The following RALA variants were observed in gnomAD, a reference collection of about 807,000 sequenced individuals.
The protein encoded by RALA is RAS like proto-oncogene A.
Under a neutral mutation model 24.0 loss-of-function variants are expected in RALA, and 5 were observed. The observed-to-expected ratio is 0.21, with a 90% CI of 0.11 to 0.44. The LOEUF (loss-of-function observed/expected upper bound fraction) is 0.44. Ranked by LOEUF, RALA falls within the 20% of genes least tolerant of loss-of-function variation. The pLI is 0.99. For synonymous variants in RALA, 77 were observed against 83.8 expected (o/e 0.92, Z 0.44); for missense variants, 95 against 241.2 (o/e 0.39, Z 4.01).
intron 3 of RALA, among the ~76,000 whole-genome samples, chr7:39,694,394 G>A (rs544970094): frequency 1.3e-5 from 2 of 152,292 alleles, no homozygotes; most frequent in South Asian, 4.1e-4. Flanking sequence ...GTCTGCCTTT[G>A]TATTCTCTTG....
Position 39,672,544 on chromosome 7 carries a change from G to T in RALA, c.-37-14087G>T, listed in dbSNP as rs1382035652. Among the ~76,000 whole-genome samples, 3 of 151,524 alleles carry T rather than the reference G, an allele frequency of 2.0e-5. No homozygotes were observed. The East Asian group carries it at 5.8e-4, about 29-fold the overall frequency. ...TTACCCAAGAAAAATGAAAACATGT[G>T]TAGACCTGTACACAAAAGTTTATGA... On this transcript the variant is annotated intron_variant, in intron 1 of 4. Transcript: ENST00000005257.
chr7:39,693,170 A>G (rs1583754761), intron 3 of RALA, among the ~76,000 whole-genome samples: 1 of 152,206 alleles, frequency 6.6e-6, no homozygotes, highest in Non-Finnish European at 1.5e-5. Context: ...AATCAACTCA[A>G]ATGTCCATCA....
At chr7:39,674,184 A>G (rs1423914834) in intron 1 of RALA, among the ~76,000 whole-genome samples, 1 of 152,188 alleles carries the variant, frequency 6.6e-6, no homozygotes. Context: ...GGCTCAAACC[A>G]TCCTCCTACC....
chr7:39,641,789 C>CA (rs1791822518), intron 1 of RALA, among the ~76,000 whole-genome samples: 2 of 151,998 alleles, frequency 1.3e-5, no homozygotes, highest in South Asian at 4.1e-4. Context: ...TTTTCTTGCT[C>CA]AAAAAAGGAA....
chr7:39,652,245 G>A (rs1337180211), intron 1 of RALA, among the ~76,000 whole-genome samples: 1 of 152,094 alleles, frequency 6.6e-6, no homozygotes, highest in African/African-American at 2.4e-5. Flanking sequence ...GCCTCTTATG[G>A]TTTACTCACT....
rs777418569 is a variant in RALA at position 39,646,438 on chromosome 7, CAGTG to C, written c.-38+22616_-38+22619del. Among the ~76,000 whole-genome samples, 7 of 152,286 alleles carry C rather than the reference CAGTG, an allele frequency of 4.6e-5. No individual in the cohort carries two copies. In the East Asian group the frequency reaches 1.4e-3, roughly 29 times the overall value. On this transcript the variant is annotated intron_variant, in intron 1 of 4. Transcript: ENST00000005257. ...TTGCTTGAGATCAGTCGGGGCAACA[CAGTG>C]AGACCCCCATTTATACAAAAAATTT...
chr7:39,692,187 A>G (rs1792829425), intron 3 of RALA, among the ~76,000 whole-genome samples: 2 of 152,182 alleles, frequency 1.3e-5, no homozygotes, highest in Non-Finnish European at 2.9e-5. Context: ...AAACAGTAGC[A>G]TAAATATCAG....
intron 1 of RALA, among the ~76,000 whole-genome samples, chr7:39,672,364 C>T (rs1792404336): frequency 6.6e-6 from 1 of 152,156 alleles, no homozygotes; most frequent in Non-Finnish European, 1.5e-5. Flanking sequence ...ACTACACATT[C>T]ACTAGACTGC....
At chr7:39,664,394 G>A (rs1468081629) in intron 1 of RALA, among the ~76,000 whole-genome samples, 1 of 152,228 alleles carries the variant, frequency 6.6e-6, no homozygotes, top group East Asian at 1.9e-4. Flanking sequence ...TACCTTGCCA[G>A]TAAAGGATTG....
At chr7:39,705,142 G>A (rs375543248) in intron 4 of RALA, among the ~76,000 whole-genome samples, 22 of 152,196 alleles carry the variant, frequency 1.4e-4, no homozygotes, top group East Asian at 9.7e-4. Context: ...GTGCAAGGGC[G>A]AACAAATCCA....
At chr7:39,656,214 G>A (rs1222298964) in intron 1 of RALA, among the ~76,000 whole-genome samples, 1 of 152,148 alleles carries the variant, frequency 6.6e-6, no homozygotes, top group African/African-American at 2.4e-5. Context: ...AGAGTTACTT[G>A]AATGTTCTTG....
At chr7:39,673,150 T>C (rs1344080412) in intron 1 of RALA, among the ~76,000 whole-genome samples, 1 of 152,086 alleles carries the variant, frequency 6.6e-6, no homozygotes, top group Non-Finnish European at 1.5e-5. Context: ...ATCGTGCCCC[T>C]GCTCTCCAGC....
At chr7:39,682,532 A>G (rs1306884260) in intron 1 of RALA, among the ~76,000 whole-genome samples, 1 of 152,220 alleles carries the variant, frequency 6.6e-6, no homozygotes, top group Non-Finnish European at 1.5e-5. Context: ...GGGGCCTTCA[A>G]GGCTTTTTGT....
At chr7:39,663,974 A>G (rs1161189367) in intron 1 of RALA, among the ~76,000 whole-genome samples, 1 of 152,216 alleles carries the variant, frequency 6.6e-6, no homozygotes, top group African/African-American at 2.4e-5. Flanking sequence ...TGTCAAGATA[A>G]CATGAGAAGC....
chr7:39,702,204 A>G (rs1211599847), intron 4 of RALA, among the ~76,000 whole-genome samples: 1 of 152,224 alleles, frequency 6.6e-6, no homozygotes, highest in Non-Finnish European at 1.5e-5. Flanking sequence ...TAAGGAGGAA[A>G]AATGAGTCAT....
intron 1 of RALA, among the ~76,000 whole-genome samples, chr7:39,627,612 T>G (rs1283727419): frequency 1.3e-5 from 2 of 152,188 alleles, no homozygotes; most frequent in African/African-American, 4.8e-5. Context: ...TCCCCCAGTT[T>G]CCAAAAGTTA....
At chr7:39,675,348 T>C (rs527353210) in intron 1 of RALA, among the ~76,000 whole-genome samples, 2 of 152,224 alleles carry the variant, frequency 1.3e-5, no homozygotes, top group African/African-American at 2.4e-5. Context: ...ATCATGTCAA[T>C]GCTCAAAAAG....
intron 4 of RALA, among the ~76,000 whole-genome samples, chr7:39,698,402 A>G (rs1303601373): frequency 2.0e-5 from 3 of 152,220 alleles, no homozygotes; most frequent in African/African-American, 7.2e-5. Context: ...AATGGGAACA[A>G]GAATACCTGC....
rs758387737 is a variant in RALA, at chr7:39,686,791, A to T, written c.114+10A>T. The stretch of plus-strand genomic sequence containing the variant: ...GTTCATGTACGATGAGGTAAGTGCT[A>T]ATTTTATAATGGATCAAAGTTTAGG... On this transcript the variant is annotated intron_variant, in intron 2 of 4. Coordinates refer to ENST00000005257, the MANE Select transcript of RALA (RefSeq NM_005402.4). 3.3e-5 allele frequency: 52 copies of T among 1,585,750 alleles called. 2 individuals are homozygous for T. The South Asian group carries it at 5.3e-4, about 16-fold the overall frequency.
Sources: gnomAD v4.1 joint callset for allele counts (sites outside exome capture counted in the v4.1 genomes callset) on GRCh38, gnomAD v4.1.1 for gene constraint, MANE v1.5 for transcripts, NCBI Gene and HGNC (gene_info 2026-07-23, HGNC 2026-07-21) for gene names.